ANK3: variants seen among roughly 807,000 people sequenced by gnomAD.
ANK3 encodes the protein ankyrin-3.
Under a neutral mutation model 370.9 loss-of-function variants are expected in ANK3, and 57 were observed. The ratio of observed to expected loss-of-function variants is 0.15; its 90% confidence interval spans 0.12 to 0.19. The LOEUF (loss-of-function observed/expected upper bound fraction) is 0.19. ANK3 is among the 10% of genes least tolerant of loss of function. The pLI is 1.00. For synonymous variants in ANK3, 1,929 were observed against 1,946.3 expected, an observed-to-expected ratio of 0.99 and a Z score of 0.23; for missense variants, 4,439 against 5,302.1, an observed-to-expected ratio of 0.84 and a Z score of 5.06.
At chr10:60,080,323 C>T (rs972755849) in intron 36 of ANK3, 6 of 498,256 alleles carry the variant, frequency 1.2e-5, no homozygotes, top group Admixed American at 1.2e-4. Flanking sequence ...TAGTTAATGG[C>T]TTTAAAAACT....
intron 2 of ANK3, among the ~76,000 whole-genome samples, chr10:60,404,531 A>G (rs1453911728): frequency 6.6e-6 from 1 of 152,160 alleles, no homozygotes; most frequent in Non-Finnish European, 1.5e-5. Flanking sequence ...CCATATGAAT[A>G]AATATAAACC....
At chr10:60,706,624 CCT>C (rs2133424223) in intron 1 of ANK3, among the ~76,000 whole-genome samples, 1 of 150,550 alleles carries the variant, frequency 6.6e-6, no homozygotes, top group South Asian at 2.2e-4. Flanking sequence ...GTGTTTCTTT[CCT>C]CTTTCTTTAA....
intron 2 of ANK3, among the ~76,000 whole-genome samples, chr10:60,554,829 C>A (rs2077171881): frequency 6.6e-6 from 1 of 152,136 alleles, no homozygotes; most frequent in African/African-American, 2.4e-5. Context: ...AATTATTAGA[C>A]ACTATACAAA....
chr10:60,066,204 T>C (rs962384038), intron 38 of ANK3, among the ~76,000 whole-genome samples: 1 of 152,184 alleles, frequency 6.6e-6, no homozygotes, highest in African/African-American at 2.4e-5. Context: ...ACTGTATCCA[T>C]TGTCTAGAGA....
chr10:60,632,893 A>C (rs1208071496), intron 1 of ANK3, among the ~76,000 whole-genome samples: 16 of 102,372 alleles, frequency 1.6e-4, no homozygotes, highest in African/African-American at 4.9e-4. Flanking sequence ...AAAAACAAAA[A>C]AATAAAAAAC....
chr10:60,051,797 G>T (rs1231444616), intron 42 of ANK3, among the ~76,000 whole-genome samples: 1 of 151,044 alleles, frequency 6.6e-6, no homozygotes. Flanking sequence ...GTGTGTGTGT[G>T]TGTGTGTGTA....
chr10:60,355,181 T>C (rs1241709333), intron 1 of ANK3, among the ~76,000 whole-genome samples: 1 of 152,246 alleles, frequency 6.6e-6, no homozygotes, highest in Non-Finnish European at 1.5e-5. Context: ...ATAATCTGTA[T>C]TGCTAATTTT....
chr10:60,631,290 A>G (rs2078480552), intron 1 of ANK3, among the ~76,000 whole-genome samples: 1 of 152,098 alleles, frequency 6.6e-6, no homozygotes, highest in Non-Finnish European at 1.5e-5. Flanking sequence ...GCACTTTCGC[A>G]GGCCAAGGTG....
At chr10:60,463,839 T>G (rs2064948889) in intron 2 of ANK3, among the ~76,000 whole-genome samples, 1 of 152,112 alleles carries the variant, frequency 6.6e-6, no homozygotes, top group African/African-American at 2.4e-5. Flanking sequence ...TAGAAAGATT[T>G]TTTTTTGTGT....
chr10:60,469,625 GTATATATATATA>G lies in ANK3; in HGVS notation c.96+145549_96+145560del, dbSNP rs36050397. On this transcript the variant is annotated intron_variant, in intron 2 of 43. Transcript: ENST00000373827. ...GGTATATATATATATATATATGGTG[GTATATATATATA>G]TATATATATATATATATGGTGGTAT... is the stretch of plus-strand genomic sequence containing the variant. Among the ~76,000 whole-genome samples, 5 of 1,774 alleles carry G rather than the reference GTATATATATATA, an allele frequency of 2.8e-3. 1 individual carries two copies. The highest frequency in any genetic ancestry group is 4.7e-3 in the Non-Finnish European group (5 of 1,056). The allele number at this position is 1,774 out of a possible 152,430, so 1.2% of individuals were successfully genotyped here.
intron 2 of ANK3, among the ~76,000 whole-genome samples, chr10:60,422,368 T>C (rs2063796990): frequency 6.6e-6 from 1 of 152,144 alleles, no homozygotes; most frequent in African/African-American, 2.4e-5. Flanking sequence ...TTATTAGCAA[T>C]GTAAATTTTA....
intron 41 of ANK3, among the ~76,000 whole-genome samples, chr10:60,057,372 C>T (rs980780891): frequency 3.9e-5 from 6 of 151,952 alleles, no homozygotes; most frequent in Admixed American, 2.0e-4. Context: ...TGTTTATTAC[C>T]GCTAGAAGGC....
At chr10:60,619,635 C>A (rs1177675671) in intron 1 of ANK3, among the ~76,000 whole-genome samples, 3 of 152,104 alleles carry the variant, frequency 2.0e-5, no homozygotes, top group Non-Finnish European at 4.4e-5. Flanking sequence ...CTTTGGCTCA[C>A]AATCCTGTAG....
In ANK3 at chr10:60,208,036, C is replaced by T; in HGVS notation, c.1194G>A (p.Leu398=). The T allele has an allele frequency of 6.2e-7, 1 of 1,613,356 alleles. No individual in the cohort carries two copies. Among genetic ancestry groups the T allele is most frequent in the Non-Finnish European group, 8.5e-7 (1 of 1,179,878 alleles). The change falls in exon 10 of 44, where the codon CTG becomes CTA. Residue 398 remains leucine (L), a splice_region_variant and synonymous_variant. Coordinates refer to ENST00000280772, the MANE Select transcript of ANK3 (RefSeq NM_020987.5). ...DKKANPNAKA[L]NGFTPLHIAC... ...TGGACTCGCTGGTTGAGCCACTCAC[C>T]AGGGCTTTGGCATTGGGGTTAGCTT...
intron 2 of ANK3, among the ~76,000 whole-genome samples, chr10:60,499,466 G>A (rs2393638): frequency 0.6 from 91,833 of 151,978 alleles, 28,027 homozygotes; most frequent in East Asian, 0.79. Flanking sequence ...ATACACAATA[G>A]GTAAAACATT....
At chr10:60,487,770 C>G (rs867587344) in intron 2 of ANK3, among the ~76,000 whole-genome samples, 2 of 149,640 alleles carry the variant, frequency 1.3e-5, no homozygotes, top group Middle Eastern at 3.5e-3. Flanking sequence ...GTTGGAGTGC[C>G]ATAGCGCGAT....
At chr10:60,641,061 T>G (rs2078625730) in intron 1 of ANK3, among the ~76,000 whole-genome samples, 1 of 150,752 alleles carries the variant, frequency 6.6e-6, no homozygotes, top group Non-Finnish European at 1.5e-5. Context: ...TACCTAGGAA[T>G]TCAACTTACA....
At chr10:60,652,791 A>C (rs1449879893) in intron 1 of ANK3, among the ~76,000 whole-genome samples, 1 of 152,042 alleles carries the variant, frequency 6.6e-6, no homozygotes, top group Admixed American at 6.6e-5. Context: ...GTCGAAGCAG[A>C]GGCAGGATAA....
At chr10:60,512,986 T>C (rs2076126379) in intron 2 of ANK3, among the ~76,000 whole-genome samples, 1 of 152,152 alleles carries the variant, frequency 6.6e-6, no homozygotes, top group Non-Finnish European at 1.5e-5. Flanking sequence ...TAGGAACTGC[T>C]GAATCATGAA....
Sources: allele counts gnomAD v4.1 joint callset (sites outside exome capture counted in the v4.1 genomes callset), GRCh38; gene constraint gnomAD v4.1.1; transcripts MANE v1.5; gene names NCBI Gene and HGNC (gene_info 2026-07-23, HGNC 2026-07-21).